ARPC4: variants seen among roughly 807,000 people sequenced by gnomAD.
ARPC4 encodes actin related protein 2/3 complex subunit 4.
Under a neutral mutation model 22.8 loss-of-function variants are expected in ARPC4, and 3 were observed. The ratio of observed to expected loss-of-function variants is 0.13; its 90% CI spans 0.06 to 0.34. The LOEUF (loss-of-function observed/expected upper bound fraction) is 0.34. Ranked by LOEUF, ARPC4 falls within the 10% of genes least tolerant of loss-of-function variation. The pLI is 1.00. For missense variants in ARPC4, 98 were observed against 211.0 expected, an observed-to-expected ratio of 0.46 and a Z score of 3.32; for synonymous variants, 80 against 72.5, an observed-to-expected ratio of 1.10 and a Z score of -0.52.
chr3:9,795,381 T>G (rs1167523734), intron 1 of ARPC4, among the ~76,000 whole-genome samples: 1 of 152,152 alleles, frequency 6.6e-6, no homozygotes, highest in Non-Finnish European at 1.5e-5. Flanking sequence ...CTGCTGTATG[T>G]CTCACTTCCC....
At chr3:9,799,014 T>A (rs959903340) in intron 2 of ARPC4, among the ~76,000 whole-genome samples, 2 of 152,374 alleles carry the variant, frequency 1.3e-5, no homozygotes, top group Admixed American at 1.3e-4. Flanking sequence ...GGATATGCCC[T>A]GTTATACTGT....
At chr3:9,793,245 G>T (rs1321339685) in intron 1 of ARPC4, 121 bp downstream of exon 1, 1 of 1,428,772 alleles carries the variant, frequency 7.0e-7, no homozygotes, top group Admixed American at 2.6e-5. Context: ...GGGTTGTGGG[G>T]ACACGATGAG....
At chr3:9,792,669 C>G, upstream of ARPC4, 1 of 1,232,846 alleles carries the variant, frequency 8.1e-7, no homozygotes, top group Non-Finnish European at 1.0e-6. Flanking sequence ...GAGATCTCCG[C>G]GCTGCAGTTA....
At chr3:9,801,615 C>T (rs559259643) in intron 3 of ARPC4, 46 bp from the exon 4 acceptor site, 7 of 1,547,544 alleles carry the variant, frequency 4.5e-6, no homozygotes, top group Non-Finnish European at 6.1e-6. Context: ...TGTTTTTGGC[C>T]TTGGGTGTCA....
At position 9,801,523 on chromosome 3, in the gene ARPC4, T is replaced by C. The variant is rs150103223; in HGVS notation, c.235-138T>C. On this transcript the variant is annotated intron_variant, in intron 3 of 5. Transcript: ENST00000397261. ...TTCAGTTGACAGCCAGGTCCCCCAC[T>C]TCAGTGATCCTTCCGAGTACCAAAC... The C allele has an allele frequency of 3.9e-4, 300 of 762,300 alleles. 1 individual carries two copies. In the African/African-American group the frequency reaches 4.6e-3, roughly 12 times the overall value. The allele number at this position is 762,300 out of a possible 1,614,324, so 47.2% of individuals were successfully genotyped here. A position where few individuals can be genotyped will look rare whatever the true frequency, so the allele number is the denominator to read the frequency against.
At chr3:9,794,563 A>G (rs1011780901) in intron 1 of ARPC4, among the ~76,000 whole-genome samples, 1 of 152,134 alleles carries the variant, frequency 6.6e-6, no homozygotes, top group Non-Finnish European at 1.5e-5. Flanking sequence ...CCATCCGCTC[A>G]GGACACTGAG....
chr3:9,806,177 C>T, intron 5 of ARPC4, 33 bp from the exon 6 acceptor site: 1 of 1,613,308 alleles, frequency 6.2e-7, no homozygotes, highest in Non-Finnish European at 8.5e-7. Flanking sequence ...GCAATAATAA[C>T]CACCATGCAC....
intron 4 of ARPC4, among the ~76,000 whole-genome samples, chr3:9,802,491 T>C (rs2079031651): frequency 6.7e-6 from 1 of 149,744 alleles, no homozygotes; most frequent in Non-Finnish European, 1.5e-5. Flanking sequence ...TTCTCCTGCC[T>C]CAGCCTCCTG....
intron 1 of ARPC4, 89 bp from the exon 2 acceptor site, chr3:9,797,570 A>G: frequency 6.9e-7 from 1 of 1,444,450 alleles, no homozygotes; most frequent in Non-Finnish European, 9.6e-7. Flanking sequence ...CCTCAGTGCT[A>G]CCTGGCTTCA....
intron 5 of ARPC4, 89 bp downstream of exon 5, chr3:9,804,102 A>G: frequency 6.8e-7 from 1 of 1,476,626 alleles, no homozygotes; most frequent in Non-Finnish European, 9.3e-7. Context: ...AAGGGGTCCA[A>G]GCAGTGTGTT....
intron 4 of ARPC4, among the ~76,000 whole-genome samples, chr3:9,802,378 C>CTTTTTT (rs55659302): frequency 6.8e-6 from 1 of 146,546 alleles, no homozygotes; most frequent in Non-Finnish European, 1.5e-5. Context: ...GTCTCTCTCT[C>CTTTTTT]TTTTTTTTTT....
intron 1 of ARPC4, 184 bp downstream of exon 1, chr3:9,793,308 G>T: frequency 8.5e-7 from 1 of 1,178,768 alleles, no homozygotes. Context: ...GGCGAGTGGG[G>T]GTACTCCCTG....
chr3:9,793,258 T>C, intron 1 of ARPC4, 134 bp downstream of exon 1: 2 of 1,366,712 alleles, frequency 1.5e-6, no homozygotes, highest in South Asian at 1.5e-5. Flanking sequence ...ACGATGAGGG[T>C]GGGAAAAAGA....
Position 9,806,074 on chromosome 3 carries a change from A to G in ARPC4, c.502-136A>G, listed in dbSNP as rs1306218843. 7 of 987,006 alleles carry G rather than the reference A, an allele frequency of 7.1e-6. No individual in the cohort carries two copies. The East Asian group carries it at 7.2e-5, about 10-fold the overall frequency. 61.1% of individuals were successfully genotyped at this position (987,006 alleles called of 1,614,324 possible). On this transcript the variant is annotated intron_variant, in intron 5 of 5. Coordinates refer to ENST00000397261, the MANE Select transcript of ARPC4 (RefSeq NM_005718.5). Reference sequence around the variant, plus strand: ...CTGGCTGAATTAGAGCATGACCACAAGGTGTCCTGGGACCCAACTCTGCCC... The same window carrying G: ...CTGGCTGAATTAGAGCATGACCACAGGGTGTCCTGGGACCCAACTCTGCCC...
chr3:9,793,154 C>A, intron 1 of ARPC4, 30 bp downstream of exon 1: 1 of 1,537,010 alleles, frequency 6.5e-7, no homozygotes. Flanking sequence ...GGCCAGGGAC[C>A]CCCGGCTGTT....
chr3:9,799,178 T>C (rs1362229293), intron 2 of ARPC4, among the ~76,000 whole-genome samples: 1 of 152,198 alleles, frequency 6.6e-6, no homozygotes, highest in Non-Finnish European at 1.5e-5. Flanking sequence ...GAATCATTTC[T>C]GGATTGATAA....
At chr3:9,792,763 C>A, upstream of ARPC4, 1 of 1,245,582 alleles carries the variant, frequency 8.0e-7, no homozygotes, top group Non-Finnish European at 1.0e-6. Context: ...AAGGGCTCGT[C>A]CGCTTCGGCT....
chr3:9,806,307 G>A lies in ARPC4; in HGVS notation c.*92G>A, dbSNP rs978875159. ...GTCACTCCCCGAGCAGCGCGGCGGCGGCAGGGAGTTGGGTTGGGGTGGGCA... is the reference window on the plus strand; with the variant it reads ...GTCACTCCCCGAGCAGCGCGGCGGCAGCAGGGAGTTGGGTTGGGGTGGGCA... On this transcript the variant is annotated 3_prime_UTR_variant, in exon 6 of 6. Transcript: ENST00000397261. The A allele has an allele frequency of 2.8e-5, 41 of 1,467,832 alleles. No homozygotes were observed. The highest frequency in any genetic ancestry group is 3.6e-5 in the Non-Finnish European group (38 of 1,047,166). The allele number at this position is 1,467,832 out of a possible 1,614,324, so 90.9% of individuals were successfully genotyped here. A position where few individuals can be genotyped will look rare whatever the true frequency, so the allele number is the denominator to read the frequency against.
chr3:9,802,821 G>C (rs936821803), intron 4 of ARPC4, among the ~76,000 whole-genome samples: 1 of 150,650 alleles, frequency 6.6e-6, no homozygotes, highest in Non-Finnish European at 1.5e-5. Flanking sequence ...TTATAGGCAC[G>C]CATGTGCTAC....
Sources: gnomAD v4.1 joint callset for allele counts (sites outside exome capture counted in the v4.1 genomes callset) on GRCh38, gnomAD v4.1.1 for gene constraint, MANE v1.5 for transcripts, NCBI Gene and HGNC (gene_info 2026-07-23, HGNC 2026-07-21) for gene names.